The following ASTN2 variants were observed in gnomAD, a reference collection of about 807,000 sequenced individuals.
The protein encoded by ASTN2 is astrotactin-2.
Under a neutral mutation model 139.8 loss-of-function variants are expected in ASTN2, and 54 were observed. That is an observed-to-expected ratio of 0.39 (90% CI 0.31 to 0.48). ASTN2 has a LOEUF of 0.48. Among genes scored for constraint, ASTN2 ranks in the 20% least tolerant of loss-of-function variants. The pLI, the probability that ASTN2 is intolerant of heterozygous loss-of-function variation, is 0.95. For synonymous variants in ASTN2, 756 were observed against 719.5 expected (o/e 1.05, Z -0.81); for missense variants, 1,565 against 1,725.1 (o/e 0.91, Z 1.64).
chr9:117,314,856 GTAA>G lies in ASTN2; in HGVS notation c.443-23346_443-23344del, dbSNP rs569008090. On this transcript the variant is annotated intron_variant, in intron 1 of 22. Transcript: ENST00000313400. ...TATAATTATAATCATATAAGTATAC[GTAA>G]TATTATAAATATATATGTACAACTA... Among the ~76,000 whole-genome samples, 467 of 143,700 alleles carry G rather than the reference GTAA, an allele frequency of 3.2e-3. 1 individual carries two copies. Among genetic ancestry groups the G allele is most frequent in the African/African-American group, 0.011 (450 of 39,466 alleles). 94.3% of individuals were successfully genotyped at this position (143,700 alleles called of 152,430 possible).
intron 1 of ASTN2, among the ~76,000 whole-genome samples, chr9:117,399,212 T>A (rs890636710): frequency 1.3e-5 from 2 of 152,122 alleles, no homozygotes; most frequent in African/African-American, 4.8e-5. Context: ...CGACATGCAA[T>A]CAACAATATT....
intron 1 of ASTN2, among the ~76,000 whole-genome samples, chr9:117,369,537 C>A (rs1435634148): frequency 6.6e-6 from 1 of 152,040 alleles, no homozygotes; most frequent in African/African-American, 2.4e-5. Flanking sequence ...ACAATCCAGG[C>A]CATTTTTGCT....
chr9:116,609,379 G>GTA (rs56938236), intron 19 of ASTN2, among the ~76,000 whole-genome samples: 6,813 of 116,422 alleles, frequency 0.059, 291 homozygotes, highest in Non-Finnish European at 0.063. Context: ...ATATATGGGT[G>GTA]TATATATATA....
chr9:117,054,809 C>A (rs1024412415), intron 5 of ASTN2, among the ~76,000 whole-genome samples: 1 of 152,152 alleles, frequency 6.6e-6, no homozygotes, highest in Non-Finnish European at 1.5e-5. Context: ...TGGTCCCCAA[C>A]CTTTTTGGCA....
chr9:117,240,623 C>G (rs1356503217), intron 2 of ASTN2, among the ~76,000 whole-genome samples: 1 of 152,182 alleles, frequency 6.6e-6, no homozygotes, highest in African/African-American at 2.4e-5. Flanking sequence ...AAATTCAGAA[C>G]AGACACTGGA....
At chr9:117,310,967 A>G (rs929219938) in intron 1 of ASTN2, among the ~76,000 whole-genome samples, 1 of 151,910 alleles carries the variant, frequency 6.6e-6, no homozygotes, top group African/African-American at 2.4e-5. Flanking sequence ...ATGAGATTGA[A>G]CCCCAGTTGC....
At chr9:117,242,113 C>G (rs908666938) in intron 2 of ASTN2, among the ~76,000 whole-genome samples, 17 of 141,474 alleles carry the variant, frequency 1.2e-4, no homozygotes, top group African/African-American at 4.4e-4. Flanking sequence ...TTTACAACCT[C>G]TGTCCTATGG....
chr9:116,727,134 C>A (rs1033584246), intron 15 of ASTN2, among the ~76,000 whole-genome samples: 1 of 151,946 alleles, frequency 6.6e-6, no homozygotes, highest in Non-Finnish European at 1.5e-5. Context: ...CTCCAAGAAG[C>A]CTTTCACATC....
chr9:116,531,690 T>G (rs1394669379), intron 19 of ASTN2, among the ~76,000 whole-genome samples: 1 of 152,216 alleles, frequency 6.6e-6, no homozygotes, highest in Non-Finnish European at 1.5e-5. Context: ...ACAAAGGACA[T>G]GAACTCATCC....
At chr9:117,409,843 C>A (rs757554670) in intron 1 of ASTN2, among the ~76,000 whole-genome samples, 19 of 152,300 alleles carry the variant, frequency 1.2e-4, no homozygotes, top group Non-Finnish European at 2.1e-4. Context: ...TTCTCCCAAC[C>A]ATTCTTCTGG....
intron 20 of ASTN2, among the ~76,000 whole-genome samples, chr9:116,449,060 T>C (rs1848093590): frequency 1.3e-5 from 2 of 152,208 alleles, no homozygotes; most frequent in Non-Finnish European, 2.9e-5. Flanking sequence ...CTACTATCCT[T>C]ATGACCTTAG....
At chr9:116,529,322 G>C (rs1049994550) in intron 19 of ASTN2, among the ~76,000 whole-genome samples, 2 of 152,166 alleles carry the variant, frequency 1.3e-5, no homozygotes, top group African/African-American at 4.8e-5. Context: ...TGACTGTCCT[G>C]TTGGGTTTCG....
intron 1 of ASTN2, among the ~76,000 whole-genome samples, chr9:117,381,683 A>G (rs933988581): frequency 6.6e-6 from 1 of 152,178 alleles, no homozygotes; most frequent in African/African-American, 2.4e-5. Context: ...CCATAAGCCA[A>G]TTAAACCTCT....
rs1372776040 is a variant in ASTN2, at chr9:117,182,311, A to G, written c.1015+32047T>C. 2.6e-5 allele frequency among the ~76,000 whole-genome samples: 3 copies of G among 116,274 alleles called. No individual in the cohort carries two copies. In the East Asian group the frequency reaches 7.9e-4, roughly 31 times the overall value. The allele number at this position is 116,274 out of a possible 152,430, so 76.3% of individuals were successfully genotyped here. On this transcript the variant is annotated intron_variant, in intron 3 of 22. Coordinates refer to ENST00000313400, the MANE Select transcript of ASTN2 (RefSeq NM_001365068.1). ...GAACTCAGCATGCTTCAGGGAAGAAAACGACACAGACACAGACACACACAC... is the reference window on the plus strand; with the variant it reads ...GAACTCAGCATGCTTCAGGGAAGAAGACGACACAGACACAGACACACACAC...
At chr9:116,980,652 C>G (rs1928993) in intron 7 of ASTN2, among the ~76,000 whole-genome samples, 61,693 of 152,006 alleles carry the variant, frequency 0.41, 14,802 homozygotes, top group South Asian at 0.57. Context: ...TTTCTGGATA[C>G]TGTTTGTTTT....
intron 19 of ASTN2, among the ~76,000 whole-genome samples, chr9:116,594,609 A>G (rs143823587): frequency 6.6e-6 from 1 of 152,148 alleles, no homozygotes; most frequent in Admixed American, 6.5e-5. Flanking sequence ...AGTTAACAGT[A>G]CTCATTGGAT....
chr9:116,805,152 A>C lies in ASTN2; in HGVS notation c.2396+480T>G, dbSNP rs1156681146. On this transcript the variant is annotated intron_variant, in intron 13 of 22. Transcript: ENST00000313400. The stretch of plus-strand genomic sequence containing the variant: ...TGTGTGTGTGTGTGTGTAGGCAGAC[A>C]GGAAAAAACAGAGAGAGAAAGAGAG... Among the ~76,000 whole-genome samples, 9 of 138,982 alleles carry C rather than the reference A, an allele frequency of 6.5e-5. No homozygotes were observed. In the East Asian group the frequency reaches 1.7e-3, roughly 26 times the overall value. 91.2% of individuals were successfully genotyped at this position (138,982 alleles called of 152,430 possible).
chr9:117,153,822 TC>T (rs1449939489), intron 3 of ASTN2, among the ~76,000 whole-genome samples: 1 of 152,052 alleles, frequency 6.6e-6, no homozygotes, highest in African/African-American at 2.4e-5. Context: ...TGTTAACACA[TC>T]CATTCACAGT....
chr9:117,378,856 G>A (rs544393127), intron 1 of ASTN2, among the ~76,000 whole-genome samples: 1 of 152,324 alleles, frequency 6.6e-6, no homozygotes, highest in South Asian at 2.1e-4. Context: ...CTAGTGGGAA[G>A]TGATTGGATT....
Sources: allele counts gnomAD v4.1 joint callset (sites outside exome capture counted in the v4.1 genomes callset), GRCh38; gene constraint gnomAD v4.1.1; transcripts MANE v1.5; gene names NCBI Gene and HGNC (gene_info 2026-07-23, HGNC 2026-07-21).